The following ZEB2 variants were observed in gnomAD, a reference collection of about 807,000 sequenced individuals.
ZEB2 encodes the protein zinc finger E-box binding homeobox 2, also known as zinc finger E-box-binding homeobox 2.
A neutral mutation model predicts 99.9 loss-of-function variants in ZEB2; 6 were observed. The ratio of observed to expected loss-of-function variants is 0.06; its 90% CI spans 0.03 to 0.12. The LOEUF is 0.12. ZEB2 is among the 10% of genes least tolerant of loss of function. ZEB2 has a pLI of 1.00. For synonymous variants in ZEB2, 517 were observed against 542.5 expected (o/e 0.95, Z 0.65); for missense variants, 969 against 1,502.8 (o/e 0.64, Z 5.87).
At chr2:144,391,675 T>C (rs1221444224) in intron 9 of ZEB2, among the ~76,000 whole-genome samples, 1 of 152,224 alleles carries the variant, frequency 6.6e-6, no homozygotes, top group Non-Finnish European at 1.5e-5. Context: ...CAAGAGGTTT[T>C]GTCTCCCGGG....
At chr2:144,505,375 G>C (rs1704938162) in intron 2 of ZEB2, among the ~76,000 whole-genome samples, 1 of 152,210 alleles carries the variant, frequency 6.6e-6, no homozygotes, top group Non-Finnish European at 1.5e-5. Flanking sequence ...AAAAGTTCAA[G>C]TTGGCAAAAG....
At chr2:144,510,815 A>G (rs1705023971) in intron 2 of ZEB2, among the ~76,000 whole-genome samples, 2 of 152,226 alleles carry the variant, frequency 1.3e-5, no homozygotes, top group South Asian at 2.1e-4. Flanking sequence ...GAAGAAGAAG[A>G]GCTCCTTTCT....
chr2:144,447,850 T>C (rs1319826531), intron 2 of ZEB2, among the ~76,000 whole-genome samples: 1 of 152,160 alleles, frequency 6.6e-6, no homozygotes, highest in African/African-American at 2.4e-5. Context: ...CTGATAGACA[T>C]TTTATATTTC....
At chr2:144,466,937 G>C (rs1223170813) in intron 2 of ZEB2, among the ~76,000 whole-genome samples, 1 of 152,160 alleles carries the variant, frequency 6.6e-6, no homozygotes, top group Non-Finnish European at 1.5e-5. Flanking sequence ...TGCTGCAGGT[G>C]TGCAGGCCTG....
At chr2:144,482,276 A>T (rs947944660) in intron 2 of ZEB2, 1 of 152,224 alleles carries the variant, frequency 6.6e-6, no homozygotes, top group African/African-American at 2.4e-5. Context: ...CGGCGGTCCC[A>T]GTCATGATCT....
chr2:144,390,860 A>G (rs2149873089), intron 9 of ZEB2, among the ~76,000 whole-genome samples: 1 of 152,314 alleles, frequency 6.6e-6, no homozygotes, highest in East Asian at 1.9e-4. Context: ...GGCCACAAAT[A>G]GCACTGGAAT....
chr2:144,424,385 A>T (rs755656667), intron 4 of ZEB2: 1 of 519,824 alleles, frequency 1.9e-6, no homozygotes, highest in Non-Finnish European at 3.8e-6. Flanking sequence ...TGAAAAAAAA[A>T]TTTTACAGTC....
intron 2 of ZEB2, chr2:144,511,839 A>C: frequency 7.8e-7 from 1 of 1,287,232 alleles, no homozygotes; most frequent in South Asian, 1.2e-5. Flanking sequence ...ATTGGTTTAA[A>C]TCATCCTTCC....
intron 2 of ZEB2, among the ~76,000 whole-genome samples, chr2:144,471,791 G>GT (rs77650375): frequency 1.6e-3 from 237 of 143,880 alleles, no homozygotes; most frequent in Middle Eastern, 0.011. Flanking sequence ...AATCACTTGT[G>GT]TTTTTTTTTT....
At position 144,424,851 on chromosome 2, in the gene ZEB2, G is replaced by A; in HGVS notation, c.348C>T (p.Asp116=). 6.2e-7 allele frequency: 1 copy of A among 1,614,006 alleles called. No individual in the cohort carries two copies. The highest frequency in any genetic ancestry group is 8.5e-7 in the Non-Finnish European group (1 of 1,179,910). The part of the protein sequence containing the change: ...SVDGPEEMKE[D]YDTMGPEATI... ...TGGCTTCTGGCCCCATAGTGTCATAGTCTTCCTTCATTTCTTCTGTGGGGG... is the reference window on the plus strand; with the variant it reads ...TGGCTTCTGGCCCCATAGTGTCATAATCTTCCTTCATTTCTTCTGTGGGGG... Residue 116 remains aspartate (D), a synonymous_variant, in exon 4 of 10, where the codon GAC becomes GAT. Transcript: ENST00000627532.
chr2:144,401,319 G>T lies in ZEB2; in HGVS notation c.808-12C>A. Reference sequence around the variant, plus strand: ...GTTAGCATTTGGTGCTATAAAAGGAGAAAGACTGACATCAGTTTTGTGCAG... The same window carrying T: ...GTTAGCATTTGGTGCTATAAAAGGATAAAGACTGACATCAGTTTTGTGCAG... On this transcript the variant is annotated splice_polypyrimidine_tract_variant and intron_variant, in intron 6 of 9. Coordinates refer to ENST00000627532, the MANE Select transcript of ZEB2 (RefSeq NM_014795.4). The T allele has an allele frequency of 6.2e-7, 1 of 1,613,248 alleles. No homozygotes were observed.
In ZEB2 at chr2:144,387,173, C is replaced by G. The variant is rs1035374459; in HGVS notation, c.*2278G>C. On this transcript the variant is annotated 3_prime_UTR_variant, in exon 10 of 10. Coordinates refer to ENST00000627532, the MANE Select transcript of ZEB2 (RefSeq NM_014795.4). ...AAGGAATAAATATAAATATGTTGTT[C>G]TTGCCAACTGGAAATATCATACTCA... is the stretch of plus-strand genomic sequence containing the variant. 4.0e-5 allele frequency: 6 copies of G among 151,396 alleles called. No individual in the cohort carries two copies. Among genetic ancestry groups the G allele is most frequent in the African/African-American group, 1.5e-4 (6 of 41,138 alleles). The allele number at this position is 151,396 out of a possible 1,614,324, so 9.4% of individuals were successfully genotyped here.
At chr2:144,518,272 C>G (rs1281016514) in intron 1 of ZEB2, 1 of 152,022 alleles carries the variant, frequency 6.6e-6, no homozygotes, top group African/African-American at 2.4e-5. Context: ...CGTATCCTTT[C>G]TGGCTTCGAA....
intron 2 of ZEB2, among the ~76,000 whole-genome samples, chr2:144,501,056 A>T (rs963006196): frequency 2.8e-5 from 4 of 141,786 alleles, no homozygotes; most frequent in African/African-American, 1.1e-4. Context: ...CCTGTTCCTC[A>T]CTCAGCTAGA....
intron 2 of ZEB2, among the ~76,000 whole-genome samples, chr2:144,460,959 G>A (rs1704184831): frequency 6.6e-6 from 1 of 151,996 alleles, no homozygotes; most frequent in Non-Finnish European, 1.5e-5. Context: ...CAACCTCTGA[G>A]ACAACACATA....
chr2:144,482,708 G>T (rs1409394687), intron 2 of ZEB2, among the ~76,000 whole-genome samples: 1 of 151,448 alleles, frequency 6.6e-6, no homozygotes, highest in African/African-American at 2.4e-5. Flanking sequence ...AAATTACTAC[G>T]GAGTCTTCTT....
At chr2:144,432,907 G>A (rs1703792318) in intron 2 of ZEB2, among the ~76,000 whole-genome samples, 1 of 152,072 alleles carries the variant, frequency 6.6e-6, no homozygotes, top group African/African-American at 2.4e-5. Context: ...GAATATATTA[G>A]GCCAGTGTCT....
In ZEB2 at chr2:144,388,935, TG is replaced by T; in HGVS notation, c.*515del. 2.3e-6 allele frequency: 1 copy of T among 434,876 alleles called. No individual in the cohort carries two copies. Among genetic ancestry groups the T allele is most frequent in the South Asian group, 1.7e-5 (1 of 58,910 alleles). The allele number at this position is 434,876 out of a possible 1,614,324, so 26.9% of individuals were successfully genotyped here. A position where few individuals can be genotyped will look rare whatever the true frequency, so the allele number is the denominator to read the frequency against. On this transcript the variant is annotated 3_prime_UTR_variant, in exon 10 of 10. Coordinates refer to ENST00000627532, the MANE Select transcript of ZEB2 (RefSeq NM_014795.4). This position sits in a 1 kb window ranked among gnomAD's most constrained non-coding sequence, Gnocchi z 5.4. The stretch of plus-strand genomic sequence containing the variant: ...CCTAAAATTGTGTGGTTACTTAAGC[TG>T]AAAAAAAAAATGGGAAATTGATGAA...
At chr2:144,449,804 CAACT>C (rs1162113574) in intron 2 of ZEB2, 1 of 152,244 alleles carries the variant, frequency 6.6e-6, no homozygotes, top group Non-Finnish European at 1.5e-5. Flanking sequence ...TAGCGGTTAC[CAACT>C]GAGTCGGGGC....
Sources: gnomAD v4.1 joint callset for allele counts (sites outside exome capture counted in the v4.1 genomes callset) on GRCh38, gnomAD v4.1.1 for gene constraint, Gnocchi (gnomAD v3.1) non-coding constraint, MANE v1.5 for transcripts, NCBI Gene and HGNC (gene_info 2026-07-23, HGNC 2026-07-21) for gene names.